The following PRKN variants were observed in gnomAD, a reference collection of about 807,000 sequenced individuals.
PRKN encodes the protein parkin RBR E3 ubiquitin protein ligase.
Under a neutral mutation model 59.5 loss-of-function variants are expected in PRKN, and 56 were observed. The observed-to-expected ratio is 0.94, with a 90% CI of 0.76 to 1.18. The LOEUF (loss-of-function observed/expected upper bound fraction) is 1.18. PRKN is among the 50% of genes most tolerant of loss of function. The pLI, the probability that PRKN is intolerant of heterozygous loss-of-function variation, is 0.00. For missense variants in PRKN, 657 were observed against 596.4 expected (o/e 1.10, Z -1.06); for synonymous variants, 250 against 222.1 (o/e 1.13, Z -1.12).
intron 1 of PRKN, among the ~76,000 whole-genome samples, chr6:162,531,988 G>A (rs1368957709): frequency 2.0e-5 from 3 of 151,722 alleles, no homozygotes; most frequent in Non-Finnish European, 4.4e-5. Flanking sequence ...TCTACATTTG[G>A]CCACAGTGTT....
intron 1 of PRKN, among the ~76,000 whole-genome samples, chr6:162,558,978 T>G (rs535282918): frequency 1.2e-4 from 18 of 152,074 alleles, no homozygotes; most frequent in African/African-American, 4.3e-4. Flanking sequence ...GTGAAACCTC[T>G]TCTCTACTAA....
At position 162,542,068 on chromosome 6, in the gene PRKN, T is replaced by C. The variant is rs528309900; in HGVS notation, c.8-98595A>G. ...TTGACTGCAGAAGTGATATTACAGA[T>C]ACCCAAGTTCCCAGGTTGCGGAAGG... On this transcript the variant is annotated intron_variant, in intron 1 of 11. Coordinates refer to ENST00000366898, the MANE Select transcript of PRKN (RefSeq NM_004562.3). 2.9e-4 allele frequency among the ~76,000 whole-genome samples: 44 copies of C among 152,246 alleles called. No homozygotes were observed. The South Asian group carries it at 8.7e-3, about 30-fold the overall frequency.
At chr6:161,668,542 G>C (rs555516107) in intron 7 of PRKN, among the ~76,000 whole-genome samples, 58 of 152,078 alleles carry the variant, frequency 3.8e-4, no homozygotes, top group Non-Finnish European at 7.8e-4. Flanking sequence ...TGACCAGAAA[G>C]AGTTGCACCA....
intron 1 of PRKN, among the ~76,000 whole-genome samples, chr6:162,711,320 C>T (rs778143549): frequency 1.3e-5 from 2 of 151,872 alleles, no homozygotes; most frequent in Non-Finnish European, 2.9e-5. Flanking sequence ...CAAATCTTGG[C>T]TGCTGATTGG....
chr6:161,731,758 T>C (rs1787722264), intron 7 of PRKN, among the ~76,000 whole-genome samples: 1 of 152,128 alleles, frequency 6.6e-6, no homozygotes, highest in African/African-American at 2.4e-5. Context: ...AAATGAAGGC[T>C]AATTAAACAA....
At chr6:161,601,173 T>C (rs562372042) in intron 7 of PRKN, among the ~76,000 whole-genome samples, 71 of 152,308 alleles carry the variant, frequency 4.7e-4, no homozygotes, top group Non-Finnish European at 7.3e-4. Context: ...TATGTCTTAG[T>C]CTGTTCAGGC....
At chr6:162,588,128 AG>A (rs1197919067) in intron 1 of PRKN, among the ~76,000 whole-genome samples, 2 of 151,386 alleles carry the variant, frequency 1.3e-5, no homozygotes, top group African/African-American at 2.4e-5. Flanking sequence ...CTCCTACCTC[AG>A]CCTCCCAAGT....
intron 1 of PRKN, among the ~76,000 whole-genome samples, chr6:162,681,977 G>T (rs1005417007): frequency 6.6e-6 from 1 of 151,738 alleles, no homozygotes; most frequent in Non-Finnish European, 1.5e-5. Context: ...CTGGACACTC[G>T]CCACTGGTAA....
intron 2 of PRKN, among the ~76,000 whole-genome samples, chr6:162,329,077 T>C (rs1783447598): frequency 6.6e-6 from 1 of 152,206 alleles, no homozygotes; most frequent in Non-Finnish European, 1.5e-5. Flanking sequence ...TTCTATAAAA[T>C]CTGCCAGTTT....
At chr6:162,574,290 C>T (rs1333660898) in intron 1 of PRKN, among the ~76,000 whole-genome samples, 1 of 151,838 alleles carries the variant, frequency 6.6e-6, no homozygotes, top group African/African-American at 2.4e-5. Context: ...AACGGAGGGA[C>T]GTGGAGTCTA....
chr6:161,673,641 G>A (rs1784987159), intron 7 of PRKN, among the ~76,000 whole-genome samples: 1 of 152,192 alleles, frequency 6.6e-6, no homozygotes, highest in Non-Finnish European at 1.5e-5. Context: ...CAGGCTGGAA[G>A]GAGAAGCAGC....
At chr6:161,591,390 G>T (rs192198788) in intron 7 of PRKN, among the ~76,000 whole-genome samples, 44 of 152,344 alleles carry the variant, frequency 2.9e-4, no homozygotes, top group Admixed American at 2.7e-3. Flanking sequence ...TGAAGGAAAT[G>T]ACACTCGAAC....
chr6:162,154,259 C>A (rs543161963), intron 4 of PRKN, among the ~76,000 whole-genome samples: 1 of 152,166 alleles, frequency 6.6e-6, no homozygotes, highest in South Asian at 2.1e-4. Flanking sequence ...CCGCCCTGCA[C>A]AGCAAAGCCC....
chr6:162,246,808 GT>G (rs1305291802), intron 3 of PRKN, among the ~76,000 whole-genome samples: 3 of 152,018 alleles, frequency 2.0e-5, no homozygotes, highest in African/African-American at 7.2e-5. Flanking sequence ...TAATTTTAAA[GT>G]TTTTTGAAAA....
At chr6:161,494,239 A>C (rs1380237660) in intron 9 of PRKN, among the ~76,000 whole-genome samples, 2 of 152,236 alleles carry the variant, frequency 1.3e-5, no homozygotes, top group African/African-American at 4.8e-5. Context: ...ATACCGTATC[A>C]TCAGGACTTT....
Position 162,512,208 on chromosome 6 carries a change from TGTC to T in PRKN, c.8-68738_8-68736del, listed in dbSNP as rs1777655159. Among the ~76,000 whole-genome samples, 3 of 152,196 alleles carry T rather than the reference TGTC, an allele frequency of 2.0e-5. No homozygotes were observed. The South Asian group carries it at 6.2e-4, about 31-fold the overall frequency. On this transcript the variant is annotated intron_variant, in intron 1 of 11. Transcript: ENST00000366898. ...GCTTCTCCTTACTAAAAATGGGTTG[TGTC>T]ATTTCTTATTACAACAAAAGATTTT...
At chr6:161,513,333 C>CG (rs1778464894) in intron 9 of PRKN, among the ~76,000 whole-genome samples, 1 of 152,104 alleles carries the variant, frequency 6.6e-6, no homozygotes. Context: ...CTCCGCCCCC[C>CG]GGGTTCAAGT....
chr6:162,386,172 T>C (rs575778366), intron 2 of PRKN, among the ~76,000 whole-genome samples: 6 of 152,298 alleles, frequency 3.9e-5, no homozygotes, highest in African/African-American at 9.6e-5. Flanking sequence ...TTAATGACGA[T>C]GTATTGTGGA....
At chr6:162,406,668 T>C (rs1336976327) in intron 2 of PRKN, among the ~76,000 whole-genome samples, 8 of 152,152 alleles carry the variant, frequency 5.3e-5, no homozygotes, top group Admixed American at 1.3e-4. Context: ...ACCAAGGCCC[T>C]GGGAACCCTC....
Sources: allele counts gnomAD v4.1 joint callset (sites outside exome capture counted in the v4.1 genomes callset), GRCh38; gene constraint gnomAD v4.1.1; transcripts MANE v1.5; gene names NCBI Gene and HGNC (gene_info 2026-07-23, HGNC 2026-07-21).